The following MYBPC1 variants were observed in gnomAD, a reference collection of about 807,000 sequenced individuals.
The protein encoded by MYBPC1 is myosin binding protein C1.
MYBPC1 carries 52 observed loss-of-function variants against 147.1 expected under a neutral mutation model. That is an observed-to-expected ratio of 0.35 (90% CI 0.28 to 0.45). The LOEUF (loss-of-function observed/expected upper bound fraction) is 0.45. Among genes scored for constraint, MYBPC1 ranks in the 20% least tolerant of loss-of-function variants. MYBPC1 has a pLI of 1.00. For missense variants in MYBPC1, 1,228 were observed against 1,440.3 expected (o/e 0.85, Z 2.39); for synonymous variants, 477 against 475.9 (o/e 1.00, Z -0.03).
chr12:101,671,606 C>A (rs1898751011), intron 24 of MYBPC1, among the ~76,000 whole-genome samples: 1 of 152,206 alleles, frequency 6.6e-6, no homozygotes, highest in African/African-American at 2.4e-5. Flanking sequence ...CTTGCAGCAT[C>A]AAATAAAACC....
rs142456794 is a variant in MYBPC1, at chr12:101,660,432, A to C, written c.1927+601A>C. The C allele has an allele frequency of 1.8e-3, 311 of 168,324 alleles. 2 individuals carry two copies. Among genetic ancestry groups the C allele is most frequent in the Non-Finnish European group, 3.0e-3 (233 of 76,398 alleles). The allele number at this position is 168,324 out of a possible 1,614,324, so 10.4% of individuals were successfully genotyped here. ...CACTTTGTAGTTAAAAACAACAACC[A>C]CAACAACCATATTCAACATTTAGAC... On this transcript the variant is annotated intron_variant, in intron 19 of 31. Coordinates refer to ENST00000361466, the MANE Select transcript of MYBPC1 (RefSeq NM_002465.4).
At chr12:101,661,759 C>A (rs907373434) in intron 20 of MYBPC1, among the ~76,000 whole-genome samples, 2 of 151,530 alleles carry the variant, frequency 1.3e-5, no homozygotes, top group African/African-American at 2.4e-5. Context: ...CATGGTGGTG[C>A]GCACCTGTGG....
chr12:101,625,423 C>T (rs888797425), intron 3 of MYBPC1, among the ~76,000 whole-genome samples: 1 of 152,100 alleles, frequency 6.6e-6, no homozygotes, highest in Non-Finnish European at 1.5e-5. Context: ...TGCGTAAGTC[C>T]TCATTCTACC....
intron 9 of MYBPC1, among the ~76,000 whole-genome samples, chr12:101,635,595 T>A (rs1890824964): frequency 1.3e-5 from 2 of 152,182 alleles, no homozygotes; most frequent in South Asian, 4.1e-4. Flanking sequence ...AATGCACAGG[T>A]CTAAAACTAT....
At position 101,594,979 on chromosome 12, in the gene MYBPC1, G is replaced by T. The variant is rs369498893; in HGVS notation, c.-92G>T. On this transcript the variant is annotated 5_prime_UTR_variant, in exon 1 of 32. Coordinates refer to ENST00000361466, the MANE Select transcript of MYBPC1 (RefSeq NM_002465.4). ...TTTCTCCCCAACTGCTTGTCACACC[G>T]ACCTGCACCATCTCTCGCCTGCCTG... 2.8e-5 allele frequency: 36 copies of T among 1,269,102 alleles called. No homozygotes were observed. Among genetic ancestry groups the T allele is most frequent in the Non-Finnish European group, 3.9e-5 (34 of 871,184 alleles). The allele number at this position is 1,269,102 out of a possible 1,614,324, so 78.6% of individuals were successfully genotyped here. A position where few individuals can be genotyped will look rare whatever the true frequency, so the allele number is the denominator to read the frequency against.
chr12:101,693,193 G>T, the MYBPC1 span, among the ~76,000 whole-genome samples: 2 of 152,042 alleles, frequency 1.3e-5, no homozygotes, highest in Non-Finnish European at 2.9e-5. Context: ...TGATCCACCC[G>T]CCTTGGCCTC....
intron 11 of MYBPC1, 109 bp from the exon 12 acceptor site, chr12:101,644,555 A>T: frequency 9.6e-7 from 1 of 1,037,104 alleles, no homozygotes; most frequent in East Asian, 2.5e-5. Context: ...TTTTTTCTTG[A>T]GATTCATTTT....
the MYBPC1 span, among the ~76,000 whole-genome samples, chr12:101,695,493 T>TGCA: frequency 6.6e-6 from 1 of 152,192 alleles, no homozygotes; most frequent in East Asian, 1.9e-4. Context: ...TATCTAAAAC[T>TGCA]GCAGAAAAGT....
intron 22 of MYBPC1, chr12:101,666,106 C>T (rs779929810): frequency 5.1e-5 from 8 of 157,712 alleles, no homozygotes; most frequent in Admixed American, 1.8e-4. Context: ...GCCACCCATG[C>T]GGAACCCTGA....
intron 1 of MYBPC1, among the ~76,000 whole-genome samples, chr12:101,607,217 C>T (rs1882579691): frequency 6.6e-6 from 1 of 152,108 alleles, no homozygotes; most frequent in South Asian, 2.1e-4. Context: ...TTCCATTGTG[C>T]TCGTGTCTGG....
chr12:101,644,820 G>T, intron 12 of MYBPC1, 24 bp downstream of exon 12: 1 of 1,608,594 alleles, frequency 6.2e-7, no homozygotes, highest in Non-Finnish European at 8.5e-7. Context: ...GCAAAAATCA[G>T]TGATAGCTCT....
chr12:101,673,985 G>A (rs779604700), intron 25 of MYBPC1, among the ~76,000 whole-genome samples: 11 of 152,094 alleles, frequency 7.2e-5, no homozygotes, highest in Non-Finnish European at 1.6e-4. Context: ...CCTGGGAGGT[G>A]GAAGTTGCAG....
chr12:101,623,706 C>T (rs921191710), intron 3 of MYBPC1, among the ~76,000 whole-genome samples: 1 of 152,116 alleles, frequency 6.6e-6, no homozygotes, highest in African/African-American at 2.4e-5. Flanking sequence ...TTTTACAGGA[C>T]TTTAAATCAA....
intron 25 of MYBPC1, among the ~76,000 whole-genome samples, 162 bp downstream of exon 25, chr12:101,673,784 A>G (rs1899235332): frequency 6.6e-6 from 1 of 152,170 alleles, no homozygotes; most frequent in Admixed American, 6.5e-5. Flanking sequence ...TGGGCGTGGT[A>G]GCTTACACCT....
chr12:101,614,091 C>T (rs961897772), intron 1 of MYBPC1, among the ~76,000 whole-genome samples: 1 of 152,148 alleles, frequency 6.6e-6, no homozygotes, highest in Non-Finnish European at 1.5e-5. Context: ...AACAGCAGTC[C>T]TGCCCATATA....
intron 13 of MYBPC1, chr12:101,647,123 A>G: frequency 1.9e-6 from 1 of 527,582 alleles, no homozygotes; most frequent in East Asian, 3.5e-5. Flanking sequence ...TAATTATTCT[A>G]GTTATAGCTT....
intron 12 of MYBPC1, among the ~76,000 whole-genome samples, chr12:101,646,109 A>G (rs1893055309): frequency 6.6e-6 from 1 of 152,218 alleles, no homozygotes; most frequent in Non-Finnish European, 1.5e-5. Flanking sequence ...GAATGTACAG[A>G]GTTAAAAATC....
At chr12:101,606,740 T>C (rs2135673859) in intron 1 of MYBPC1, among the ~76,000 whole-genome samples, 1 of 152,368 alleles carries the variant, frequency 6.6e-6, no homozygotes, top group African/African-American at 2.4e-5. Context: ...TTGATTTTTG[T>C]CCAAATTCTT....
chr12:101,604,661 T>C (rs984826607), intron 1 of MYBPC1, among the ~76,000 whole-genome samples: 1 of 152,226 alleles, frequency 6.6e-6, no homozygotes, highest in African/African-American at 2.4e-5. Flanking sequence ...TAGTAGCATG[T>C]GACACCCTGA....
Sources: gnomAD v4.1 joint callset for allele counts (sites outside exome capture counted in the v4.1 genomes callset) on GRCh38, gnomAD v4.1.1 for gene constraint, MANE v1.5 for transcripts, NCBI Gene and HGNC (gene_info 2026-07-23, HGNC 2026-07-21) for gene names.